Variants in RP1L1 observed in about 807,000 individuals in gnomAD.
RP1L1 encodes the protein retinitis pigmentosa 1-like 1 protein.
RP1L1 carries 27 observed loss-of-function variants against 15.7 expected under a neutral mutation model. That is an observed-to-expected ratio of 1.72 (90% CI 1.27 to 2.38). The LOEUF (loss-of-function observed/expected upper bound fraction) is 2.38. RP1L1 is among the 30% of genes most tolerant of loss of function. The pLI is 0.00. For synonymous variants in RP1L1, 1,813 were observed against 1,276.7 expected, an observed-to-expected ratio of 1.42 and a Z score of -8.96; for missense variants, 4,798 against 3,075.9, an observed-to-expected ratio of 1.56 and a Z score of -13.24.
At chr8:10,654,523 T>C (rs569097138) in intron 1 of RP1L1, among the ~76,000 whole-genome samples, 1 of 151,730 alleles carries the variant, frequency 6.6e-6, no homozygotes, top group Non-Finnish European at 1.5e-5. Flanking sequence ...GCTGCCCACC[T>C]CTCCCTCCTC....
chr8:10,636,137 T>A (rs1250344299), intron 1 of RP1L1, among the ~76,000 whole-genome samples: 1 of 152,246 alleles, frequency 6.6e-6, no homozygotes, highest in African/African-American at 2.4e-5. Flanking sequence ...TCAAATGACT[T>A]ATTTGCAACG....
At chr8:10,650,336 A>C (rs924665839) in intron 1 of RP1L1, among the ~76,000 whole-genome samples, 3 of 152,184 alleles carry the variant, frequency 2.0e-5, no homozygotes, top group African/African-American at 7.2e-5. Context: ...AGGCAGAAGC[A>C]TCCTAGCTGC....
In RP1L1 at chr8:10,644,987, T is replaced by C. The variant is rs545248143; in HGVS notation, c.-20+9911A>G. 8.5e-5 allele frequency among the ~76,000 whole-genome samples: 13 copies of C among 152,326 alleles called. 1 individual carries two copies. The South Asian group carries it at 2.5e-3, about 29-fold the overall frequency. On this transcript the variant is annotated intron_variant, in intron 1 of 3. Coordinates refer to ENST00000382483, the MANE Select transcript of RP1L1 (RefSeq NM_178857.6). Reference sequence around the variant, plus strand: ...GCACTAATGACCATTTATTTTAACATTGTTTGACACAACTTCAGTGACCCC... The same window carrying C: ...GCACTAATGACCATTTATTTTAACACTGTTTGACACAACTTCAGTGACCCC...
intron 1 of RP1L1, among the ~76,000 whole-genome samples, chr8:10,626,852 T>G (rs757305406): frequency 9.9e-5 from 15 of 152,170 alleles, no homozygotes; most frequent in Non-Finnish European, 2.1e-4. Flanking sequence ...TTCTGGGTGC[T>G]GAGAGCGGCA....
chr8:10,641,058 A>AC (rs1798399556), intron 1 of RP1L1, among the ~76,000 whole-genome samples: 1 of 152,228 alleles, frequency 6.6e-6, no homozygotes, highest in Non-Finnish European at 1.5e-5. Flanking sequence ...GGCATATGTC[A>AC]CCACAACTGA....
At chr8:10,616,673 A>C in intron 2 of RP1L1, 86 bp from the exon 3 acceptor site, 7 of 1,444,582 alleles carry the variant, frequency 4.8e-6, no homozygotes, top group African/African-American at 1.4e-5. Flanking sequence ...ATCCAGTCTC[A>C]CCAGCCCTGT....
In RP1L1 at chr8:10,621,393, T is replaced by C. The variant is rs561583904; in HGVS notation, c.609+1200A>G. The C allele has an allele frequency of 1.9e-5, 5 of 265,820 alleles. No individual in the cohort carries two copies. The East Asian group carries it at 5.3e-4, about 28-fold the overall frequency. 16.5% of individuals were successfully genotyped at this position (265,820 alleles called of 1,614,324 possible). On this transcript the variant is annotated intron_variant, in intron 2 of 3. Transcript: ENST00000382483. ...CCAGGCTGCAGTACAGTGTATGATCTTGGCTCACTGCAGCCTCTGCCTCCC... is the reference window on the plus strand; with the variant it reads ...CCAGGCTGCAGTACAGTGTATGATCCTGGCTCACTGCAGCCTCTGCCTCCC...
Position 10,610,358 on chromosome 8 carries a change from G to A in RP1L1, c.3740C>T (p.Pro1247Leu), listed in dbSNP as rs1485302745. The change falls in exon 4 of 4, where the codon CCA (proline) becomes CTA (leucine). Residue 1247 changes from proline to leucine, a missense_variant. Transcript: ENST00000382483. ...QRPDSRTYES[P>L]GDLENQQQCC... ...CTGCTGTTGGTTTTCCAGATCCCCT[G>A]GGCTCTCATAAGTTCTTGAATCAGG... 1.2e-6 allele frequency: 2 copies of A among 1,614,106 alleles called. No homozygotes were observed. The highest frequency in any genetic ancestry group is 1.7e-6 in the Non-Finnish European group (2 of 1,180,040).
At chr8:10,649,037 C>T (rs762977735) in intron 1 of RP1L1, among the ~76,000 whole-genome samples, 2 of 152,206 alleles carry the variant, frequency 1.3e-5, no homozygotes, top group Non-Finnish European at 2.9e-5. Context: ...GGAGCTGCAG[C>T]GCCATGCCTG....
chr8:10,626,419 A>T (rs1163985964), intron 1 of RP1L1, among the ~76,000 whole-genome samples: 2 of 152,176 alleles, frequency 1.3e-5, no homozygotes, highest in Non-Finnish European at 2.9e-5. Flanking sequence ...ATGTCCCCAG[A>T]GAAAAACACG....
In RP1L1 at chr8:10,612,549, G is replaced by T. The variant is rs767562322; in HGVS notation, c.1549C>A (p.Gln517Lys). The T allele has an allele frequency of 6.2e-7, 1 of 1,609,230 alleles. No homozygotes were observed. Residue 517 changes from glutamine to lysine, a missense_variant, in exon 4 of 4, where the codon CAA becomes AAA. Gln to Lys is a moderately conservative substitution (Grantham distance 53, BLOSUM62 1). Coordinates refer to ENST00000382483, the MANE Select transcript of RP1L1 (RefSeq NM_178857.6). ...IDGAGLGGPE[Q>K]GGRLTPRARS... ...GCCCTCGGTGTCAGGCGGCCGCCTT[G>T]CTCTGGGCCGCCCAGCCCTGCTCCA...
chr8:10,610,857 C>A lies in RP1L1; in HGVS notation c.3241G>T (p.Ala1081Ser). 1.2e-6 allele frequency: 2 copies of A among 1,608,168 alleles called. No homozygotes were observed. Among genetic ancestry groups the A allele is most frequent in the South Asian group, 1.1e-5 (1 of 90,860 alleles). The change falls in exon 4 of 4, where the codon GCC (alanine) becomes TCC (serine). Residue 1081 changes from alanine to serine, a missense_variant. Physicochemically the swap from Ala to Ser is moderately conservative, Grantham distance 99. Coordinates refer to ENST00000382483, the MANE Select transcript of RP1L1 (RefSeq NM_178857.6). ...AGCGCCCTCATGATCTGCGTGGAGG[C>A]AGACACCCGGCCAGGAAGTGCCCGC... ...SLRALPGRVS[A>S]STQIMRALMG...
At chr8:10,632,673 C>T (rs1270989557) in intron 1 of RP1L1, among the ~76,000 whole-genome samples, 2 of 152,254 alleles carry the variant, frequency 1.3e-5, no homozygotes, top group African/African-American at 4.8e-5. Context: ...CAGCACAGTG[C>T]ACAGCACCTT....
chr8:10,651,867 A>G (rs1408531166), intron 1 of RP1L1, among the ~76,000 whole-genome samples: 2 of 152,074 alleles, frequency 1.3e-5, no homozygotes, highest in South Asian at 2.1e-4. Context: ...TCTGTCAATG[A>G]CAGACCTCAT....
chr8:10,635,355 G>A (rs1449570529), intron 1 of RP1L1, among the ~76,000 whole-genome samples: 6 of 152,182 alleles, frequency 3.9e-5, no homozygotes, highest in Non-Finnish European at 8.8e-5. Context: ...GCTAATCCCT[G>A]GTCTTCTTCA....
rs758052748 is a variant in RP1L1 at position 10,608,769 on chromosome 8, G to A, written c.5329C>T (p.His1777Tyr). 2 of 1,614,160 alleles carry A rather than the reference G, an allele frequency of 1.2e-6. No individual in the cohort carries two copies. The highest frequency in any genetic ancestry group is 1.3e-5 in the African/African-American group (1 of 75,040). The change falls in exon 4 of 4, where the codon CAC becomes TAC. Residue 1777 changes from histidine to tyrosine, a missense_variant. Transcript: ENST00000382483. The stretch of plus-strand genomic sequence containing the variant: ...CTGCCCGCACTGGTTTCACTGTTGT[G>A]GGTTTTCCCTTCTCTCTCCTGAGCC... ...AMAQEREGKTHNSETSAGSEL... is the reference protein window; with the variant it reads ...AMAQEREGKTYNSETSAGSEL...
chr8:10,608,456 CCTT>C lies in RP1L1; in HGVS notation c.5639_5641del (p.Glu1880del), dbSNP rs2117192978. ...ATCTTCTGACTCTGGCTGGGCCTCT[CCTT>C]CTGCCTCTGGGGCCTCTACATCTTC... On this transcript the variant is annotated inframe_deletion, in exon 4 of 4. Transcript: ENST00000382483. 2 of 1,594,198 alleles carry C rather than the reference CCTT, an allele frequency of 1.3e-6. No homozygotes were observed. Among genetic ancestry groups the C allele is most frequent in the East Asian group, 2.3e-5 (1 of 43,954 alleles).
chr8:10,632,214 T>C (rs1798263740), intron 1 of RP1L1, among the ~76,000 whole-genome samples: 1 of 152,188 alleles, frequency 6.6e-6, no homozygotes, highest in African/African-American at 2.4e-5. Context: ...AATGTCCGAC[T>C]GTGGGAAATC....
chr8:10,637,966 G>T (rs1299276073), intron 1 of RP1L1, among the ~76,000 whole-genome samples: 4 of 152,204 alleles, frequency 2.6e-5, no homozygotes, highest in African/African-American at 7.2e-5. Context: ...CCCAGGGCTG[G>T]GTCCCCTTTG....
Sources: allele counts gnomAD v4.1 joint callset (sites outside exome capture counted in the v4.1 genomes callset), GRCh38; gene constraint gnomAD v4.1.1; transcripts MANE v1.5; gene names NCBI Gene and HGNC (gene_info 2026-07-23, HGNC 2026-07-21).